Variants in SLC25A22 observed in about 807,000 individuals in gnomAD.
SLC25A22 encodes mitochondrial glutamate carrier 1.
In SLC25A22, 23 loss-of-function variants were observed where a neutral mutation model predicts 33.7. The observed-to-expected ratio is 0.68, with a 90% CI of 0.49 to 0.97. The LOEUF (loss-of-function observed/expected upper bound fraction) is 0.97, where lower values mean the gene tolerates loss of function less well. SLC25A22 is among the 50% of genes least tolerant of loss of function. SLC25A22 has a pLI of 0.00. For missense variants in SLC25A22, 390 were observed against 451.1 expected (o/e 0.86, Z 1.23); for synonymous variants, 245 against 203.8 (o/e 1.20, Z -1.72).
chr11:794,076 G>A (rs1048488591), intron 4 of SLC25A22: 24 of 514,462 alleles, frequency 4.7e-5, no homozygotes, highest in Non-Finnish European at 7.3e-5. Flanking sequence ...GAGAGCTTCT[G>A]CCAAATCTAG....
chr11:797,894 G>T, intron 1 of SLC25A22: 1 of 398,556 alleles, frequency 2.5e-6, no homozygotes, highest in Admixed American at 4.4e-5. Flanking sequence ...CCACGCACGT[G>T]TCCACAGATG....
intron 4 of SLC25A22, chr11:794,050 C>T (rs771148183): frequency 2.6e-4 from 128 of 483,832 alleles, no homozygotes; most frequent in Non-Finnish European, 3.9e-4. Context: ...ATCTCAGTGC[C>T]GAAGGCTCAG....
chr11:795,371 C>A lies in SLC25A22; in HGVS notation c.-163-202G>T, dbSNP rs1301729368. ...GACCACCTGGCTTCCTTTCAGTCCC[C>A]CCCTCCCCACCGCCAGCGTCTTCCC... On this transcript the variant is annotated intron_variant, in intron 1 of 9. Transcript: ENST00000628067. The A allele has an allele frequency of 3.1e-3, 821 of 260,962 alleles. 50 individuals are homozygous for A. The highest frequency in any genetic ancestry group is 0.01 in the Middle Eastern group (10 of 984). 16.2% of individuals were successfully genotyped at this position (260,962 alleles called of 1,614,324 possible).
At position 793,495 on chromosome 11, in the gene SLC25A22, G is replaced by A. The variant is rs775597795; in HGVS notation, c.293+34C>T. 1.9e-6 allele frequency: 3 copies of A among 1,604,878 alleles called. No homozygotes were observed. In the South Asian group the frequency reaches 3.3e-5, roughly 18 times the overall value. The stretch of plus-strand genomic sequence containing the variant: ...GACCCATCCTTTATCTGAAGCCAAA[G>A]ACCCCTCGAGTGTCTGCCAGGCAGA... On this transcript the variant is annotated intron_variant, in intron 5 of 9. Transcript: ENST00000628067.
Position 791,613 on chromosome 11 carries a change from A to C in SLC25A22, c.*302T>G. Reference sequence around the variant, plus strand: ...GCCCAGGCCCGGGGGCCCCCAGCCCAGAGACCAGCTCTGTCCCTGGGGGTG... The same window carrying C: ...GCCCAGGCCCGGGGGCCCCCAGCCCCGAGACCAGCTCTGTCCCTGGGGGTG... On this transcript the variant is annotated 3_prime_UTR_variant, in exon 10 of 10. Transcript: ENST00000628067. 1 of 439,768 alleles carries C rather than the reference A, an allele frequency of 2.3e-6. No homozygotes were observed. 27.2% of individuals were successfully genotyped at this position (439,768 alleles called of 1,614,324 possible). A position where few individuals can be genotyped will look rare whatever the true frequency, so the allele number is the denominator to read the frequency against.
chr11:797,133 G>C (rs1864863574), intron 1 of SLC25A22, among the ~76,000 whole-genome samples: 1 of 152,204 alleles, frequency 6.6e-6, no homozygotes, highest in Non-Finnish European at 1.5e-5. Flanking sequence ...GGCAATCCTG[G>C]AAGTCAGGCC....
rs543514285 is a variant in SLC25A22, at chr11:794,623, G to A, written c.147-110C>T. ...GAGGCCAAGTCCTCAGCCCAGCCCC[G>A]ACCCCAGTCCTGACCCACGTGGGAT... On this transcript the variant is annotated intron_variant, in intron 3 of 9. Transcript: ENST00000628067. The A allele has an allele frequency of 1.2e-4, 178 of 1,526,560 alleles. 1 individual carries two copies. The highest frequency in any genetic ancestry group is 8.6e-4 in the South Asian group (73 of 84,544). The allele number at this position is 1,526,560 out of a possible 1,614,324, so 94.6% of individuals were successfully genotyped here. A position where few individuals can be genotyped will look rare whatever the true frequency, so the allele number is the denominator to read the frequency against.
intron 1 of SLC25A22, chr11:795,697 T>G (rs1245889656): frequency 6.0e-6 from 1 of 165,422 alleles, no homozygotes; most frequent in African/African-American, 2.4e-5. Context: ...ACCTAGGGCC[T>G]GCAGAGCTCC....
chr11:797,569 G>A (rs929994955), intron 1 of SLC25A22: 1 of 398,506 alleles, frequency 2.5e-6, no homozygotes, highest in Non-Finnish European at 4.4e-6. Flanking sequence ...CGAATCTGCA[G>A]GGGTAAAATC....
At chr11:794,952 G>C (rs1237046892) in intron 2 of SLC25A22, 35 bp downstream of exon 2, 3 of 1,562,628 alleles carry the variant, frequency 1.9e-6, no homozygotes, top group Non-Finnish European at 2.6e-6. Flanking sequence ...GGGTCAGGGT[G>C]GGGGTGAGGC....
In SLC25A22 at chr11:792,044, G is replaced by A; in HGVS notation, c.843C>T (p.Pro281=). 1 of 1,600,988 alleles carries A rather than the reference G, an allele frequency of 6.2e-7. No homozygotes were observed. Among genetic ancestry groups the A allele is most frequent in the Non-Finnish European group, 8.5e-7 (1 of 1,174,460 alleles). Residue 281 remains proline, a synonymous_variant, in exon 10 of 10, where the codon CCC becomes CCT. Coordinates refer to ENST00000628067, the MANE Select transcript of SLC25A22 (RefSeq NM_001191061.2). The part of the protein sequence containing the change: ...CARKILRHEG[P]SAFLKGAYCR... ...AGTAGGCGCCCTTCAGGAAGGCCGA[G>A]GGGCCCTCGTGCCGCAGGATCTTCC...
Position 794,320 on chromosome 11 carries a change from A to C in SLC25A22, c.202+138T>G, listed in dbSNP as rs750601628. The C allele has an allele frequency of 6.0e-6, 6 of 1,000,930 alleles. No homozygotes were observed. In the African/African-American group the frequency reaches 9.6e-5, roughly 16 times the overall value. The allele number at this position is 1,000,930 out of a possible 1,614,324, so 62.0% of individuals were successfully genotyped here. ...GATCCAGTCCCCCCTGCACAGGCAC[A>C]GCCCCCACAAACACGTCCACGCTCA... On this transcript the variant is annotated intron_variant, in intron 4 of 9. Transcript: ENST00000628067.
rs558217557 is a variant in SLC25A22, at chr11:791,334, T to C, written c.*581A>G. On this transcript the variant is annotated 3_prime_UTR_variant, in exon 10 of 10. Transcript: ENST00000628067. ...GCGGGCTTGCCCCAAGAGTCAGACCTCAGGGCAACCCCTCACTTGGGATTC... is the reference window on the plus strand; with the variant it reads ...GCGGGCTTGCCCCAAGAGTCAGACCCCAGGGCAACCCCTCACTTGGGATTC... 5.9e-6 allele frequency: 1 copy of C among 168,240 alleles called. No individual in the cohort carries two copies. The highest frequency in any genetic ancestry group is 2.4e-5 in the African/African-American group (1 of 41,652). The allele number at this position is 168,240 out of a possible 1,614,324, so 10.4% of individuals were successfully genotyped here. A position where few individuals can be genotyped will look rare whatever the true frequency, so the allele number is the denominator to read the frequency against.
At chr11:792,494 G>T in intron 7 of SLC25A22, 36 bp from the exon 8 acceptor site, 1 of 1,612,786 alleles carries the variant, frequency 6.2e-7, no homozygotes. Context: ...GACAGGAGGT[G>T]GTGGGGTGGG....
At chr11:797,438 C>CG (rs1433332141) in intron 1 of SLC25A22, 3 of 396,510 alleles carry the variant, frequency 7.6e-6, no homozygotes, top group Non-Finnish European at 8.9e-6. Flanking sequence ...CAGCCCCAGC[C>CG]GGGCCCCGGG....
chr11:797,265 G>C (rs896976777), intron 1 of SLC25A22, among the ~76,000 whole-genome samples: 3 of 152,214 alleles, frequency 2.0e-5, no homozygotes, highest in Admixed American at 6.5e-5. Context: ...TCTGGGTGGA[G>C]AATGATGACA....
At chr11:793,026 C>G in intron 5 of SLC25A22, 38 bp from the exon 6 acceptor site, 2 of 1,594,864 alleles carry the variant, frequency 1.3e-6, no homozygotes, top group South Asian at 1.1e-5. Flanking sequence ...TGGGAAGAGA[C>G]AGGTCTACCT....
At chr11:794,553 G>C (rs1395639683) in intron 3 of SLC25A22, 40 bp from the exon 4 acceptor site, 1 of 1,605,492 alleles carries the variant, frequency 6.2e-7, no homozygotes, top group East Asian at 2.2e-5. Context: ...GCCAGCTGGG[G>C]CCAGCCGGAG....
intron 8 of SLC25A22, 29 bp from the exon 9 acceptor site, chr11:792,246 C>T: frequency 1.9e-6 from 3 of 1,613,000 alleles, no homozygotes; most frequent in Non-Finnish European, 2.5e-6. Context: ...TCAGTGTGAG[C>T]CTGGCCAAGG....
Sources: gnomAD v4.1 joint callset for allele counts (sites outside exome capture counted in the v4.1 genomes callset) on GRCh38, gnomAD v4.1.1 for gene constraint, MANE v1.5 for transcripts, NCBI Gene and HGNC (gene_info 2026-07-23, HGNC 2026-07-21) for gene names.